The following CNIH3 variants were observed in gnomAD, a reference collection of about 807,000 sequenced individuals.
CNIH3 encodes cornichon family AMPA receptor auxiliary protein 3, also known as protein cornichon homolog 3.
Under a neutral mutation model 24.1 loss-of-function variants are expected in CNIH3, and 14 were observed. The ratio of observed to expected loss-of-function variants is 0.58; its 90% CI spans 0.38 to 0.91. The LOEUF (loss-of-function observed/expected upper bound fraction) is 0.91, where lower values mean the gene tolerates loss of function less well. Ranked by LOEUF, CNIH3 falls within the 40% of genes least tolerant of loss-of-function variation. The pLI is 0.00. For missense variants in CNIH3, 178 were observed against 196.8 expected (o/e 0.90, Z 0.57); for synonymous variants, 68 against 73.8 (o/e 0.92, Z 0.40).
intron 4 of CNIH3, among the ~76,000 whole-genome samples, chr1:224,579,033 G>A (rs1359474663): frequency 1.3e-5 from 2 of 148,494 alleles, no homozygotes; most frequent in Admixed American, 1.3e-4. Context: ...TTGTTCAGAT[G>A]TTGGACCTCC....
At chr1:224,482,764 G>A (rs149245871) in intron 1 of CNIH3, among the ~76,000 whole-genome samples, 137 of 152,202 alleles carry the variant, frequency 9.0e-4, no homozygotes, top group African/African-American at 3.2e-3. Context: ...TCATTAGGTC[G>A]TGTGCTCCTC....
chr1:224,480,870 A>C (rs1007598035), intron 1 of CNIH3, among the ~76,000 whole-genome samples: 1 of 151,864 alleles, frequency 6.6e-6, no homozygotes, highest in Non-Finnish European at 1.5e-5. Context: ...AACTGTTCCA[A>C]CCTCTGCCTG....
chr1:224,616,962 C>T lies in CNIH3; in HGVS notation c.-213C>T. On this transcript the variant is annotated 5_prime_UTR_variant, in exon 1 of 6. Transcript: ENST00000272133. ...CTCGACACACGTTTTCCTGTCTTCG[C>T]CGGAGGGCCGGGTCTGGGGTCGCCG... 7.2e-7 allele frequency: 1 copy of T among 1,393,918 alleles called. No individual in the cohort carries two copies. Among genetic ancestry groups the T allele is most frequent in the Non-Finnish European group, 9.3e-7 (1 of 1,079,536 alleles). The allele number at this position is 1,393,918 out of a possible 1,614,324, so 86.3% of individuals were successfully genotyped here.
chr1:224,527,299 C>A (rs758376723), intron 2 of CNIH3, among the ~76,000 whole-genome samples: 1 of 152,110 alleles, frequency 6.6e-6, no homozygotes, highest in Non-Finnish European at 1.5e-5. Flanking sequence ...TGTAAATAAC[C>A]GCATTTATCA....
intron 3 of CNIH3, among the ~76,000 whole-genome samples, chr1:224,705,859 CTTTT>C (rs869143802): frequency 1.1e-5 from 1 of 88,864 alleles, no homozygotes; most frequent in South Asian, 4.0e-4. Context: ...TCTTTTTTTT[CTTTT>C]TTTTTTTTTT....
intron 1 of CNIH3, among the ~76,000 whole-genome samples, chr1:224,500,197 G>A (rs959345882): frequency 4.0e-5 from 6 of 150,642 alleles, no homozygotes; most frequent in African/African-American, 1.5e-4. Flanking sequence ...TTTTTATAGA[G>A]ATAGTGTCTC....
chr1:224,574,679 G>A (rs771384148), intron 4 of CNIH3: 46 of 1,097,264 alleles, frequency 4.2e-5, no homozygotes, highest in East Asian at 1.4e-4. Flanking sequence ...TGTGGTGAGC[G>A]TACCATGAGA....
chr1:224,734,629 C>T lies in CNIH3; in HGVS notation c.378C>T (p.Asp126=). Residue 126 remains aspartate (D), a synonymous_variant, in exon 5 of 6, where the codon GAC becomes GAT. Coordinates refer to ENST00000272133, the MANE Select transcript of CNIH3 (RefSeq NM_152495.2). The part of the protein sequence containing the change: ...AYDPPVVMNA[D]TLSYCQKEAW... ...ACCCACCGGTGGTCATGAATGCCGACACTTTGAGTTACTGTCAGAAGGAGG... is the reference window on the plus strand; with the variant it reads ...ACCCACCGGTGGTCATGAATGCCGATACTTTGAGTTACTGTCAGAAGGAGG... The T allele has an allele frequency of 6.2e-7, 1 of 1,614,146 alleles. No individual in the cohort carries two copies. Among genetic ancestry groups the T allele is most frequent in the East Asian group, 2.2e-5 (1 of 44,884 alleles).
At chr1:224,527,235 A>T (rs1572415352) in intron 2 of CNIH3, among the ~76,000 whole-genome samples, 1 of 152,318 alleles carries the variant, frequency 6.6e-6, no homozygotes, top group East Asian at 1.9e-4. Context: ...TGTACTGCTG[A>T]GGGAGGCATC....
chr1:224,513,872 T>C (rs983885750), upstream of CNIH3: 20 of 152,280 alleles, frequency 1.3e-4, no homozygotes, highest in African/African-American at 4.6e-4. Flanking sequence ...GGTGTCCGTC[T>C]TTGTCAGAAA....
chr1:224,476,259 G>A (rs539649570), intron 1 of CNIH3, among the ~76,000 whole-genome samples: 1 of 152,242 alleles, frequency 6.6e-6, no homozygotes, highest in African/African-American at 2.4e-5. Context: ...AAGAAATAAA[G>A]GACATCAGAA....
At chr1:224,485,007 G>C (rs973677206) in intron 1 of CNIH3, among the ~76,000 whole-genome samples, 3 of 151,998 alleles carry the variant, frequency 2.0e-5, no homozygotes, top group African/African-American at 7.2e-5. Flanking sequence ...CCTGTTTCTT[G>C]GTATCTATCT....
chr1:224,498,340 T>C (rs1157478874), intron 1 of CNIH3, among the ~76,000 whole-genome samples: 1 of 152,204 alleles, frequency 6.6e-6, no homozygotes, highest in Non-Finnish European at 1.5e-5. Context: ...AATGAATCAC[T>C]GCTGGGCCCG....
chr1:224,611,783 A>G (rs1682712557), upstream of CNIH3, among the ~76,000 whole-genome samples: 1 of 152,160 alleles, frequency 6.6e-6, no homozygotes. Context: ...GCCTTCCTCT[A>G]CTGTGTCACT....
intron 3 of CNIH3, among the ~76,000 whole-genome samples, chr1:224,701,842 A>G (rs1021710275): frequency 6.6e-6 from 1 of 152,186 alleles, no homozygotes; most frequent in African/African-American, 2.4e-5. Flanking sequence ...AAATCCAGGC[A>G]GTCTTTCCTT....
chr1:224,705,815 CTT>C (rs771082307), intron 3 of CNIH3, among the ~76,000 whole-genome samples: 34 of 148,006 alleles, frequency 2.3e-4, no homozygotes, highest in Admixed American at 4.0e-4. Context: ...TTTTTTTTCT[CTT>C]TCTCTTTTTC....
chr1:224,630,850 G>A (rs185631357), intron 1 of CNIH3, among the ~76,000 whole-genome samples: 2 of 152,068 alleles, frequency 1.3e-5, no homozygotes, highest in Non-Finnish European at 2.9e-5. Flanking sequence ...GGGGTATGCT[G>A]TCTGGCCAGA....
chr1:224,590,736 CAT>C (rs1256128994), downstream of CNIH3, among the ~76,000 whole-genome samples: 2 of 152,200 alleles, frequency 1.3e-5, no homozygotes, highest in African/African-American at 2.4e-5. Flanking sequence ...AAGTTCCTAA[CAT>C]GTGCTTTTTG....
chr1:224,438,963 G>A (rs1674780108), intron 1 of CNIH3, among the ~76,000 whole-genome samples: 1 of 152,212 alleles, frequency 6.6e-6, no homozygotes, highest in Non-Finnish European at 1.5e-5. Flanking sequence ...GCTAAATGCA[G>A]AGGTGTAAGA....
Sources: allele counts gnomAD v4.1 joint callset (sites outside exome capture counted in the v4.1 genomes callset), GRCh38; gene constraint gnomAD v4.1.1; transcripts MANE v1.5; gene names NCBI Gene and HGNC (gene_info 2026-07-23, HGNC 2026-07-21).